RNF213: variants seen among roughly 807,000 people sequenced by gnomAD.
RNF213 encodes the protein ring finger protein 213, also known as E3 ubiquitin-protein ligase RNF213.
In RNF213, 341 loss-of-function variants were observed where a neutral mutation model predicts 514.4. The observed-to-expected ratio is 0.66, with a 90% CI of 0.61 to 0.73. RNF213 has a LOEUF of 0.73. Among genes scored for constraint, RNF213 ranks in the 30% least tolerant of loss-of-function variants. The pLI, the probability that RNF213 is intolerant of heterozygous loss-of-function variation, is 0.00. For missense variants in RNF213, 5,767 were observed against 6,615.6 expected (o/e 0.87, Z 4.45); for synonymous variants, 2,655 against 2,658.2 (o/e 1.00, Z 0.04).
intron 57 of RNF213, 65 bp from the exon 58 acceptor site, chr17:80,382,913 TA>T: frequency 1.1e-6 from 1 of 935,032 alleles, no homozygotes; most frequent in Non-Finnish European, 1.8e-6. Flanking sequence ...ATTTAGGGTT[TA>T]TTATACGCAG....
chr17:80,359,579 GAAGAAAGAGA>G, intron 37 of RNF213, among the ~76,000 whole-genome samples: 1 of 142,220 alleles, frequency 7.0e-6, no homozygotes, highest in South Asian at 2.3e-4. Flanking sequence ...GAGACAGAAG[GAAGAAAGAGA>G]AAGAAAGAGC....
chr17:80,353,451 C>A lies in RNF213; in HGVS notation c.10424-61C>A. On this transcript the variant is annotated intron_variant, in intron 33 of 67. Transcript: ENST00000582970. The surrounding 1 kb of genome is among the most constrained non-coding windows in gnomAD (Gnocchi z 5.0). ...GAGCACACAGACTCCCAGATGGCAC[C>A]GCTGCCAGTCCCTGTGCCACCTTCT... The A allele has an allele frequency of 6.5e-7, 1 of 1,543,620 alleles. No individual in the cohort carries two copies. The highest frequency in any genetic ancestry group is 8.8e-7 in the Non-Finnish European group (1 of 1,137,564).
Position 80,346,913 on chromosome 17 carries a change from C to T in RNF213, c.8578C>T (p.Leu2860=), listed in dbSNP as rs200418522. 1.4e-4 allele frequency: 234 copies of T among 1,614,032 alleles called. No individual in the cohort carries two copies. The highest frequency in any genetic ancestry group is 1.4e-5 in the Non-Finnish European group (17 of 1,180,040). Residue 2860 remains leucine (L), a synonymous_variant, in exon 29 of 68, where the codon CTG becomes TTG. Coordinates refer to ENST00000582970, the MANE Select transcript of RNF213 (RefSeq NM_001256071.3). This position sits in a 1 kb window ranked among gnomAD's most constrained non-coding sequence, Gnocchi z 8.1. ...EDSPKMPLKT[L]HPLLEDGCIE... is the part of the protein sequence containing the mutation. ...CTCACCCAAAATGCCCCTGAAGACT[C>T]TGCACCCGCTGCTGGAAGACGGATG...
chr17:80,316,997 G>A (rs981569275), intron 15 of RNF213, among the ~76,000 whole-genome samples, 191 bp from the exon 16 acceptor site: 4 of 152,260 alleles, frequency 2.6e-5, no homozygotes, highest in African/African-American at 9.6e-5. Flanking sequence ...TCTGATTCTA[G>A]AAAGCCAACC....
intron 17 of RNF213, among the ~76,000 whole-genome samples, chr17:80,324,238 C>T (rs2046221081): frequency 6.6e-6 from 1 of 152,146 alleles, no homozygotes; most frequent in Admixed American, 6.5e-5. Flanking sequence ...CATAGATGCC[C>T]TTTATCAGTT....
intron 14 of RNF213, among the ~76,000 whole-genome samples, chr17:80,311,845 GGCTGGGTGTAGTA>G (rs1477132326): frequency 6.6e-6 from 1 of 152,132 alleles, no homozygotes; most frequent in Non-Finnish European, 1.5e-5. Context: ...TCACACACTT[GGCTGGGTGTAGTA>G]GCTCACACCT....
At chr17:80,331,059 T>A (rs1180786156) in intron 20 of RNF213, among the ~76,000 whole-genome samples, 1 of 152,160 alleles carries the variant, frequency 6.6e-6, no homozygotes, top group African/African-American at 2.4e-5. Context: ...CCTCAAGTGA[T>A]CCATCCGCCT....
Position 80,273,365 on chromosome 17 carries a change from C to G in RNF213, c.222C>G (p.Pro74=). 1.9e-6 allele frequency: 3 copies of G among 1,613,198 alleles called. No individual in the cohort carries two copies. Among genetic ancestry groups the G allele is most frequent in the South Asian group, 1.1e-5 (1 of 91,082 alleles). Residue 74 remains proline, a synonymous_variant, in exon 3 of 68, where the codon CCC becomes CCG. Transcript: ENST00000582970. The stretch of plus-strand genomic sequence containing the variant: ...GCTCAGACAGTTGGCAAGAAAACCC[C>G]GAGGAGCCCTGTTCCAAAGCCTCCT... The part of the protein sequence containing the change: ...FPGSDSWQEN[P]EEPCSKASWT...
In RNF213 at chr17:80,273,325, C is replaced by T. The variant is rs9913317; in HGVS notation, c.182C>T (p.Pro61Leu). The change falls in exon 3 of 68, where the codon CCG (proline) becomes CTG (leucine). Residue 61 changes from proline to leucine, a missense_variant. Coordinates refer to ENST00000582970, the MANE Select transcript of RNF213 (RefSeq NM_001256071.3). ...CAGGAGCTGAAGGAGGAAGGGGGCC[C>T]GTGCTTGTTCCCGGGCTCAGACAGT... ...CGQELKEEGG[P>L]CLFPGSDSWQ... The T allele has an allele frequency of 2.8e-3, 4,522 of 1,613,524 alleles. 59 individuals carry two copies. Among genetic ancestry groups the T allele is most frequent in the East Asian group, 0.025 (1,111 of 44,876 alleles).
rs534658964 is a variant in RNF213, at chr17:80,317,719, G to T, written c.2901+442G>T. Among the ~76,000 whole-genome samples, 58 of 152,222 alleles carry T rather than the reference G, an allele frequency of 3.8e-4. 1 individual carries two copies. The highest frequency in any genetic ancestry group is 1.6e-3 in the Admixed American group (24 of 15,282). On this transcript the variant is annotated intron_variant, in intron 16 of 67. Transcript: ENST00000582970. The surrounding 1 kb of genome is among the most constrained non-coding windows in gnomAD (Gnocchi z 4.1). Reference sequence around the variant, plus strand: ...GGTGCCTGCAACCCCCGAAGCTCCAGAGGGCATGTTACAGTGCTCTCTTAG... The same window carrying T: ...GGTGCCTGCAACCCCCGAAGCTCCATAGGGCATGTTACAGTGCTCTCTTAG...
At chr17:80,315,951 G>C in intron 15 of RNF213, 1 of 152,290 alleles carries the variant, frequency 6.6e-6, no homozygotes, top group Non-Finnish European at 1.5e-5. Context: ...TGATGCTGGT[G>C]GTGGAGGTGG....
chr17:80,290,283 G>T (rs1237181977), intron 6 of RNF213, among the ~76,000 whole-genome samples: 1 of 152,242 alleles, frequency 6.6e-6, no homozygotes, highest in African/African-American at 2.4e-5. Flanking sequence ...CAAGGACCAT[G>T]TGCCTGTGTG....
In RNF213 at chr17:80,397,744, G is replaced by A. The variant is rs568757818; in HGVS notation, c.*4246G>A. On this transcript the variant is annotated 3_prime_UTR_variant, in exon 68 of 68. Transcript: ENST00000582970. ...GCTGAATAAAGCCCTTCTTTAACTC[G>A]TGTCTGAGGGGTTTTCTCTGCAGCT... 2 of 151,394 alleles carry A rather than the reference G, an allele frequency of 1.3e-5. No homozygotes were observed. Among genetic ancestry groups the A allele is most frequent in the South Asian group, 4.2e-4 (2 of 4,716 alleles). 9.4% of individuals were successfully genotyped at this position (151,394 alleles called of 1,614,324 possible). A position where few individuals can be genotyped will look rare whatever the true frequency, so the allele number is the denominator to read the frequency against.
In RNF213 at chr17:80,298,508, A is replaced by G. The variant is rs1323810055; in HGVS notation, c.2200A>G (p.Met734Val). The G allele has an allele frequency of 6.2e-7, 1 of 1,614,136 alleles. No homozygotes were observed. The highest frequency in any genetic ancestry group is 8.5e-7 in the Non-Finnish European group (1 of 1,180,028). ...CTCCTTCTCACCGTTCCGGGAACAA[A>G]TGCTAGATACGTAAGTCGTAGAGTT... ...GLSFSPFREQMLDTSSLLQFM... is the reference protein window; with the variant it reads ...GLSFSPFREQVLDTSSLLQFM... The change falls in exon 11 of 68, where the codon ATG becomes GTG. Residue 734 changes from methionine (M) to valine (V), a missense_variant. By Grantham distance (21) the Met-to-Val change is conservative. Transcript: ENST00000582970.
chr17:80,349,432 G>T (rs1427413109), intron 29 of RNF213, among the ~76,000 whole-genome samples: 7 of 152,096 alleles, frequency 4.6e-5, no homozygotes, highest in African/African-American at 1.7e-4. Context: ...AGCATGAGTC[G>T]TACTATAACA....
At chr17:80,373,323 ACACCCCCACACCT>A (rs2144523565) in intron 49 of RNF213, among the ~76,000 whole-genome samples, 158 bp downstream of exon 49, 1 of 123,128 alleles carries the variant, frequency 8.1e-6, no homozygotes, top group East Asian at 2.8e-4. Context: ...CCTCACCCTC[ACACCCCCACACCT>A]CACCCTCACA....
intron 35 of RNF213, 104 bp from the exon 36 acceptor site, chr17:80,354,337 C>T: frequency 6.3e-7 from 1 of 1,579,500 alleles, no homozygotes; most frequent in Non-Finnish European, 8.7e-7. Context: ...CTAGAATTGG[C>T]CTGGCCAACG....
intron 63 of RNF213, among the ~76,000 whole-genome samples, chr17:80,388,379 A>C (rs1234551656): frequency 6.6e-6 from 1 of 152,184 alleles, no homozygotes; most frequent in African/African-American, 2.4e-5. Flanking sequence ...GGCCACGATG[A>C]TGTGACAATA....
chr17:80,273,753 G>A (rs2043916525), intron 3 of RNF213, among the ~76,000 whole-genome samples: 1 of 151,592 alleles, frequency 6.6e-6, no homozygotes, highest in South Asian at 2.1e-4. Flanking sequence ...CCAAGTAGCT[G>A]GGACTACAGG....
Sources: allele counts gnomAD v4.1 joint callset (sites outside exome capture counted in the v4.1 genomes callset), GRCh38; gene constraint gnomAD v4.1.1; non-coding constraint Gnocchi (gnomAD v3.1); transcripts MANE v1.5; gene names NCBI Gene and HGNC (gene_info 2026-07-23, HGNC 2026-07-21).